The following ZFHX3 variants were observed in gnomAD, a reference collection of about 807,000 sequenced individuals.
ZFHX3 encodes the protein zinc finger homeobox 3.
Under a neutral mutation model 279.1 loss-of-function variants are expected in ZFHX3, and 42 were observed. The ratio of observed to expected loss-of-function variants is 0.15; its 90% CI spans 0.12 to 0.19. The LOEUF (loss-of-function observed/expected upper bound fraction) is 0.19, where lower values mean the gene tolerates loss of function less well. Ranked by LOEUF, ZFHX3 falls within the 10% of genes least tolerant of loss-of-function variation. The pLI, the probability that ZFHX3 is intolerant of heterozygous loss-of-function variation, is 1.00. For synonymous variants in ZFHX3, 2,293 were observed against 1,957.8 expected, an observed-to-expected ratio of 1.17 and a Z score of -4.52; for missense variants, 4,981 against 4,754.0, an observed-to-expected ratio of 1.05 and a Z score of -1.40.
chr16:73,148,196 G>A (rs1212754099), intron 5 of ZFHX3, among the ~76,000 whole-genome samples: 3 of 152,200 alleles, frequency 2.0e-5, no homozygotes, highest in Non-Finnish European at 4.4e-5. Context: ...GAGACAGCAT[G>A]GCTTGTGAAG....
intron 2 of ZFHX3, among the ~76,000 whole-genome samples, chr16:73,588,710 A>AAC (rs967713124): frequency 3.3e-5 from 5 of 151,342 alleles, no homozygotes; most frequent in African/African-American, 9.7e-5. Flanking sequence ...AACAAAACAA[A>AAC]AAAAAAAAAA....
intron 1 of ZFHX3, among the ~76,000 whole-genome samples, chr16:73,757,864 T>C (rs1006320805): frequency 6.6e-6 from 1 of 152,220 alleles, no homozygotes; most frequent in Non-Finnish European, 1.5e-5. Context: ...GCCATTCTGA[T>C]TTTGTGACTC....
chr16:73,769,500 T>C (rs1033956193), intron 1 of ZFHX3, among the ~76,000 whole-genome samples: 81 of 152,190 alleles, frequency 5.3e-4, no homozygotes, highest in African/African-American at 2.0e-3. Flanking sequence ...ACCATTCTTA[T>C]ACAAATTTTA....
chr16:72,875,680 T>G (rs983234137), intron 4 of ZFHX3, among the ~76,000 whole-genome samples: 1 of 152,250 alleles, frequency 6.6e-6, no homozygotes, highest in African/African-American at 2.4e-5. Context: ...TAGGGTTAAC[T>G]GAACTGCCAC....
At position 73,591,574 on chromosome 16, in the gene ZFHX3, T is replaced by C. The variant is rs192240792; in HGVS notation, c.-1547+88606A>G. On this transcript the variant is annotated intron_variant, in intron 2 of 17. Coordinates refer to the ZFHX3 transcript ENST00000641206. ...AGGGCATGGTGGCGGGCACCTGTAG[T>C]CCCAGTTACTCGGGAGGCTGAGGCA... 3.7e-3 allele frequency among the ~76,000 whole-genome samples: 546 copies of C among 149,086 alleles called. 4 individuals carry two copies. The highest frequency in any genetic ancestry group is 0.013 in the African/African-American group (513 of 40,550).
At chr16:73,002,508 G>C (rs1963535056) in intron 1 of ZFHX3, among the ~76,000 whole-genome samples, 2 of 152,128 alleles carry the variant, frequency 1.3e-5, no homozygotes, top group African/African-American at 4.8e-5. Flanking sequence ...AGTTTGCTTT[G>C]AAATTCAGTG....
At chr16:73,441,781 T>C (rs2018098348) in intron 3 of ZFHX3, among the ~76,000 whole-genome samples, 1 of 152,166 alleles carries the variant, frequency 6.6e-6, no homozygotes, top group African/African-American at 2.4e-5. Flanking sequence ...ACTTACCCTC[T>C]CTGAGTCTCA....
intron 1 of ZFHX3, among the ~76,000 whole-genome samples, chr16:73,823,865 C>A (rs1020187306): frequency 2.0e-5 from 3 of 152,146 alleles, no homozygotes; most frequent in Non-Finnish European, 4.4e-5. Context: ...TTTCAGCGGA[C>A]GCTCTGATGG....
At chr16:73,303,471 C>G (rs1449388983) in intron 4 of ZFHX3, among the ~76,000 whole-genome samples, 4 of 152,140 alleles carry the variant, frequency 2.6e-5, no homozygotes, top group African/African-American at 4.8e-5. Flanking sequence ...CATGGACATT[C>G]CAAACACCTC....
chr16:73,174,978 A>C (rs1027188358), intron 5 of ZFHX3, among the ~76,000 whole-genome samples: 4 of 151,748 alleles, frequency 2.6e-5, no homozygotes, highest in African/African-American at 9.7e-5. Context: ...CAGTGAACCG[A>C]GATAGCGCCA....
intron 4 of ZFHX3, among the ~76,000 whole-genome samples, chr16:72,867,841 G>C (rs925338791): frequency 1.3e-5 from 2 of 152,108 alleles, no homozygotes; most frequent in African/African-American, 4.8e-5. Context: ...CAGTTGAGTC[G>C]GTTTTTCTGG....
At chr16:73,276,813 G>C (rs1423263345) in intron 4 of ZFHX3, among the ~76,000 whole-genome samples, 1 of 152,120 alleles carries the variant, frequency 6.6e-6, no homozygotes, top group Non-Finnish European at 1.5e-5. Context: ...GGAAATAGTC[G>C]ATTACATGAG....
intron 3 of ZFHX3, among the ~76,000 whole-genome samples, chr16:73,368,095 T>A (rs1482243280): frequency 6.6e-6 from 1 of 152,150 alleles, no homozygotes; most frequent in African/African-American, 2.4e-5. Context: ...GGTCTCAAAC[T>A]CCTGACCTCA....
At chr16:73,857,302 T>C (rs193084132) in intron 1 of ZFHX3, among the ~76,000 whole-genome samples, 1 of 152,338 alleles carries the variant, frequency 6.6e-6, no homozygotes, top group East Asian at 1.9e-4. Flanking sequence ...CAAAATGTGC[T>C]GTATTACAGT....
At chr16:73,127,471 C>T (rs1025445856) in intron 7 of ZFHX3, 11 of 1,305,298 alleles carry the variant, frequency 8.4e-6, no homozygotes, top group African/African-American at 1.5e-5. Context: ...AGCCGGGCAT[C>T]GACAGGCAAG....
chr16:73,177,087 A>C (rs1967682343), intron 5 of ZFHX3, among the ~76,000 whole-genome samples: 1 of 152,134 alleles, frequency 6.6e-6, no homozygotes, highest in Non-Finnish European at 1.5e-5. Flanking sequence ...AAAAAGCCCA[A>C]ATAACGATTA....
At chr16:72,870,717 C>CAA (rs71156125) in intron 4 of ZFHX3, among the ~76,000 whole-genome samples, 1,555 of 100,972 alleles carry the variant, frequency 0.015, 67 homozygotes, top group African/African-American at 0.046. Context: ...GACTCTGTCT[C>CAA]AAAAAAAAAA....
rs1299935555 is a variant in ZFHX3 at position 72,787,577 on chromosome 16, C to T, written c.10699G>A (p.Glu3567Lys). 6.2e-7 allele frequency: 1 copy of T among 1,613,988 alleles called. No homozygotes were observed. ...TITRAARNAKEHPSLLPHSAC... is the reference protein window; with the variant it reads ...TITRAARNAKKHPSLLPHSAC... ...GAGTGAGGTAATAAACTAGGGTGCT[C>T]TTTGGCGTTTCTTGCTGCTCTCGTG... Residue 3567 changes from glutamate to lysine, a missense_variant, in exon 10 of 10, where the codon GAG (glutamate) becomes AAG (lysine). Physicochemically the swap from Glu to Lys is moderately conservative, Grantham distance 56 (BLOSUM62 1). Around this residue, in one of 7 missense-constraint regions of ZFHX3, gnomAD observed 1,034 missense variants for 786.0 expected, o/e 1.32. Transcript: ENST00000268489.
intron 5 of ZFHX3, among the ~76,000 whole-genome samples, chr16:73,173,514 G>T (rs1264454493): frequency 1.3e-5 from 2 of 152,060 alleles, no homozygotes; most frequent in Non-Finnish European, 2.9e-5. Context: ...GCCCTTCCCA[G>T]TTTCCCTTTC....
Sources: allele counts gnomAD v4.1 joint callset (sites outside exome capture counted in the v4.1 genomes callset), GRCh38; gene constraint gnomAD v4.1.1; regional missense constraint gnomAD v4.1.1; transcripts MANE v1.5; gene names NCBI Gene and HGNC (gene_info 2026-07-23, HGNC 2026-07-21).